EPCIP: variants seen among roughly 807,000 people sequenced by gnomAD.
EPCIP encodes exosomal polycystin-1-interacting protein.
At chr21:32,812,606 CAT>C in the EPCIP span, among the ~76,000 whole-genome samples, 1 of 151,586 alleles carries the variant, frequency 6.6e-6, no homozygotes, top group South Asian at 2.1e-4. Context: ...TCCTTCCAAA[CAT>C]ATTGCATTAT....
chr21:32,792,197 C>G, the EPCIP span, among the ~76,000 whole-genome samples: 1 of 152,160 alleles, frequency 6.6e-6, no homozygotes, highest in Non-Finnish European at 1.5e-5. Flanking sequence ...ACTTTAATGG[C>G]AAGTTGCGTC....
the EPCIP span, chr21:32,794,218 G>A: frequency 7.5e-5 from 121 of 1,614,148 alleles, no homozygotes; most frequent in Admixed American, 1.5e-4. Flanking sequence ...CTACTGCAAG[G>A]GGCAGGACGG....
chr21:32,804,232 A>G, the EPCIP span, among the ~76,000 whole-genome samples: 1 of 151,470 alleles, frequency 6.6e-6, no homozygotes, highest in Non-Finnish European at 1.5e-5. Context: ...ACAGGATAAT[A>G]ATCCAACCAC....
At chr21:32,808,315 G>A in the EPCIP span, among the ~76,000 whole-genome samples, 10 of 151,418 alleles carry the variant, frequency 6.6e-5, no homozygotes, top group South Asian at 2.1e-4. Flanking sequence ...AAAAAAGGCT[G>A]GCAGACCTTT....
the EPCIP span, among the ~76,000 whole-genome samples, chr21:32,791,720 T>C: frequency 1.4e-4 from 21 of 151,486 alleles, no homozygotes; most frequent in Non-Finnish European, 2.4e-4. Flanking sequence ...AGTTACTCTA[T>C]GTTAAGGTTA....
the EPCIP span, among the ~76,000 whole-genome samples, chr21:32,795,987 T>TCCTTCCCTCCTTCCA: frequency 0.7 from 99,082 of 141,780 alleles, 34,710 homozygotes; most frequent in East Asian, 0.88. Context: ...CTTCCTTCCC[T>TCCTTCCCTCCTTCCA]CCTTCCCTCC....
the EPCIP span, chr21:32,807,727 C>T: frequency 2.0e-5 from 3 of 152,352 alleles, no homozygotes; most frequent in African/African-American, 7.2e-5. Flanking sequence ...CTAGACATGG[C>T]AGAAAAACCA....
the EPCIP span, among the ~76,000 whole-genome samples, chr21:32,799,709 A>AG: frequency 1.3e-5 from 2 of 152,188 alleles, no homozygotes; most frequent in Non-Finnish European, 2.9e-5. Flanking sequence ...TGGTAGGCTG[A>AG]GGGGGGCAGA....
chr21:32,794,883 A>G, the EPCIP span, among the ~76,000 whole-genome samples: 2 of 152,206 alleles, frequency 1.3e-5, no homozygotes, highest in African/African-American at 4.8e-5. Flanking sequence ...TGAAGCGCCC[A>G]AAAACCCCTG....
the EPCIP span, chr21:32,793,975 G>A: frequency 2.4e-5 from 39 of 1,614,068 alleles, no homozygotes; most frequent in Non-Finnish European, 3.1e-5. Flanking sequence ...TCTCTCTGGA[G>A]TCACTGTCCC....
the EPCIP span, among the ~76,000 whole-genome samples, chr21:32,803,917 GT>G: frequency 6.6e-6 from 1 of 152,164 alleles, no homozygotes; most frequent in African/African-American, 2.4e-5. Flanking sequence ...GGTTTACACA[GT>G]TCATTGTGCG....
chr21:32,795,047 T>C, the EPCIP span, among the ~76,000 whole-genome samples: 1 of 152,224 alleles, frequency 6.6e-6, no homozygotes, highest in East Asian at 1.9e-4. Flanking sequence ...CTTTAATTTC[T>C]AAGTAGATAA....
chr21:32,806,786 G>C, the EPCIP span, among the ~76,000 whole-genome samples: 1 of 152,174 alleles, frequency 6.6e-6, no homozygotes, highest in Admixed American at 6.5e-5. Flanking sequence ...CTGGATGCGG[G>C]GCTTCCTTGT....
chr21:32,795,818 A>G, the EPCIP span, among the ~76,000 whole-genome samples: 15 of 152,252 alleles, frequency 9.9e-5, 1 homozygote, highest in Admixed American at 7.9e-4. Flanking sequence ...CACAAGCCAC[A>G]ACCCCATGGC....
At chr21:32,794,366 G>A in the EPCIP span, 1 of 1,614,240 alleles carries the variant, frequency 6.2e-7, no homozygotes, top group Non-Finnish European at 8.5e-7. Context: ...GCAGTTAAGT[G>A]CAAAGACACC....
the EPCIP span, among the ~76,000 whole-genome samples, chr21:32,805,952 C>T: frequency 6.6e-6 from 1 of 152,194 alleles, no homozygotes; most frequent in East Asian, 1.9e-4. Context: ...TGAGGGGGAA[C>T]CATCTTCAGG....
the EPCIP span, chr21:32,797,187 C>T: frequency 6.6e-6 from 2 of 304,812 alleles, no homozygotes; most frequent in Non-Finnish European, 6.7e-6. Context: ...GGGCAAATAC[C>T]CCTGGTAACC....
chr21:32,797,690 A>G, the EPCIP span: 1 of 152,248 alleles, frequency 6.6e-6, no homozygotes, highest in Admixed American at 6.5e-5. Flanking sequence ...AATGAATGAA[A>G]AAACATAGTT....
the EPCIP span, chr21:32,794,258 CTG>C: frequency 4.3e-6 from 7 of 1,614,268 alleles, no homozygotes; most frequent in Admixed American, 1.0e-4. Flanking sequence ...GTTGGCCAAA[CTG>C]TAGTCACAAT....
Sources: allele counts gnomAD v4.1 joint callset (sites outside exome capture counted in the v4.1 genomes callset), GRCh38; gene constraint gnomAD v4.1.1; transcripts MANE v1.5; gene names NCBI Gene and HGNC (gene_info 2026-07-23, HGNC 2026-07-21).